The following TBC1D15 variants were observed in gnomAD, a reference collection of about 807,000 sequenced individuals.
TBC1D15 encodes GAP for RAB7.
Under a neutral mutation model 95.4 loss-of-function variants are expected in TBC1D15, and 39 were observed. The ratio of observed to expected loss-of-function variants is 0.41; its 90% CI spans 0.32 to 0.53. The LOEUF (loss-of-function observed/expected upper bound fraction) is 0.53, where lower values mean the gene tolerates loss of function less well. Ranked by LOEUF, TBC1D15 falls within the 20% of genes least tolerant of loss-of-function variation. The probability of loss-of-function intolerance (pLI) is 0.29; values close to 1 mark genes in which losing one functional copy is unlikely to be tolerated. For missense variants in TBC1D15, 733 were observed against 794.3 expected, an observed-to-expected ratio of 0.92 and a Z score of 0.93; for synonymous variants, 258 against 261.3, an observed-to-expected ratio of 0.99 and a Z score of 0.12.
intron 5 of TBC1D15, among the ~76,000 whole-genome samples, chr12:71,887,050 G>A (rs1487706285): frequency 1.3e-5 from 2 of 152,106 alleles, no homozygotes; most frequent in Non-Finnish European, 2.9e-5. Context: ...AAATGTGCTA[G>A]ACTACCTATT....
At chr12:71,899,253 A>G (rs758970536) in intron 10 of TBC1D15, among the ~76,000 whole-genome samples, 1 of 152,118 alleles carries the variant, frequency 6.6e-6, no homozygotes, top group East Asian at 1.9e-4. Context: ...GAAAATTTAG[A>G]TATTTAAAGT....
intron 1 of TBC1D15, among the ~76,000 whole-genome samples, chr12:71,842,499 A>G (rs748411205): frequency 6.6e-6 from 1 of 152,110 alleles, no homozygotes; most frequent in Non-Finnish European, 1.5e-5. Context: ...TCTGGCACAT[A>G]ATAGGTATTC....
intron 3 of TBC1D15, among the ~76,000 whole-genome samples, chr12:71,875,302 G>A (rs984354088): frequency 6.6e-6 from 1 of 152,044 alleles, no homozygotes; most frequent in Non-Finnish European, 1.5e-5. Context: ...TGTAATTTGC[G>A]GACATTTTTT....
intron 15 of TBC1D15, 83 bp downstream of exon 15, chr12:71,920,930 T>C: frequency 1.1e-6 from 1 of 936,218 alleles, no homozygotes. Context: ...CCTTGGAACA[T>C]TATTAAATCT....
chr12:71,906,829 A>AT (rs1394926456), intron 10 of TBC1D15, among the ~76,000 whole-genome samples, 193 bp from the exon 11 acceptor site: 19 of 152,182 alleles, frequency 1.2e-4, no homozygotes, highest in Middle Eastern at 3.2e-3. Flanking sequence ...AGGAGGACTG[A>AT]TTCTTGAAAA....
At chr12:71,854,404 C>T (rs1415604037) in intron 1 of TBC1D15, among the ~76,000 whole-genome samples, 3 of 152,078 alleles carry the variant, frequency 2.0e-5, no homozygotes, top group Non-Finnish European at 4.4e-5. Context: ...CTCTTCTGTA[C>T]ATCTTTTTTC....
At chr12:71,840,102 A>G (rs993201928) in intron 1 of TBC1D15, among the ~76,000 whole-genome samples, 8 of 152,116 alleles carry the variant, frequency 5.3e-5, no homozygotes, top group African/African-American at 1.7e-4. Context: ...GTGGCTCTCT[A>G]GTTCCTTTTT....
chr12:71,897,361 A>G lies in TBC1D15; in HGVS notation c.1089-486A>G, dbSNP rs58496786. On this transcript the variant is annotated intron_variant, in intron 9 of 16. Transcript: ENST00000485960. ...TTTTCAGTCATTATGTGCATATTTA[A>G]GTTATCTGACAGTCTTCTCTTTTCA... 1.2e-3 allele frequency: 183 copies of G among 156,806 alleles called. No homozygotes were observed. The East Asian group carries it at 0.028, about 24-fold the overall frequency. 9.7% of individuals were successfully genotyped at this position (156,806 alleles called of 1,614,324 possible). A position where few individuals can be genotyped will look rare whatever the true frequency, so the allele number is the denominator to read the frequency against.
In TBC1D15 at chr12:71,888,327, T is replaced by C. The variant is rs569599406; in HGVS notation, c.554+3306T>C. On this transcript the variant is annotated intron_variant, in intron 5 of 16. Coordinates refer to ENST00000485960, the MANE Select transcript of TBC1D15 (RefSeq NM_001146213.3). ...GGTGAAACCCCGTCTCTACTACAGA[T>C]ACAAGAAAGCCAGCTGTAATCCCAG... Among the ~76,000 whole-genome samples the C allele has an allele frequency of 3.9e-5, 6 of 151,906 alleles. No homozygotes were observed. The South Asian group carries it at 1.2e-3, about 32-fold the overall frequency.
chr12:71,917,226 A>G (rs1903928298), intron 12 of TBC1D15, among the ~76,000 whole-genome samples: 2 of 152,176 alleles, frequency 1.3e-5, no homozygotes, highest in South Asian at 4.1e-4. Context: ...ATGTTTTAGT[A>G]TTGTCCTGAA....
intron 5 of TBC1D15, among the ~76,000 whole-genome samples, chr12:71,888,604 G>C (rs1029789946): frequency 1.3e-5 from 2 of 152,126 alleles, no homozygotes; most frequent in Non-Finnish European, 1.5e-5. Context: ...ACACCTACAG[G>C]CTTTCCTAAT....
chr12:71,860,001 C>T (rs997812640), intron 1 of TBC1D15, among the ~76,000 whole-genome samples: 7 of 152,158 alleles, frequency 4.6e-5, no homozygotes, highest in African/African-American at 1.4e-4. Context: ...GTTTTCCCAG[C>T]GCCATTTGTA....
Position 71,872,177 on chromosome 12 carries a change from C to A in TBC1D15, c.129+9C>A, listed in dbSNP as rs752827814. The A allele has an allele frequency of 1.0e-5, 15 of 1,476,578 alleles. No individual in the cohort carries two copies. The highest frequency in any genetic ancestry group is 1.4e-5 in the African/African-American group (1 of 69,632). 91.5% of individuals were successfully genotyped at this position (1,476,578 alleles called of 1,614,324 possible). A position where few individuals can be genotyped will look rare whatever the true frequency, so the allele number is the denominator to read the frequency against. On this transcript the variant is annotated intron_variant, in intron 2 of 16. Transcript: ENST00000485960. ...TACGTGTTTTAGAAAAGGTAAGTTT[C>A]TAGTAAATGATTTTATTTAATAATA...
intron 1 of TBC1D15, chr12:71,861,622 A>G (rs748119878): frequency 5.9e-5 from 45 of 763,590 alleles, no homozygotes; most frequent in Non-Finnish European, 7.1e-5. Flanking sequence ...TGGTTTGTCA[A>G]TTTTGGCTGC....
intron 1 of TBC1D15, among the ~76,000 whole-genome samples, chr12:71,869,821 T>C (rs1373347150): frequency 6.6e-6 from 1 of 152,200 alleles, no homozygotes. Context: ...CTAGAAAATT[T>C]AGTTTATACT....
At chr12:71,849,607 C>T (rs1348709789) in intron 1 of TBC1D15, 15 of 612,548 alleles carry the variant, frequency 2.4e-5, no homozygotes, top group South Asian at 2.3e-4. Flanking sequence ...TCAGTCAGTA[C>T]CGTAAGCTCC....
At chr12:71,879,539 T>C (rs896599414) in intron 3 of TBC1D15, among the ~76,000 whole-genome samples, 2 of 152,216 alleles carry the variant, frequency 1.3e-5, no homozygotes, top group African/African-American at 4.8e-5. Context: ...TGTCCTCCTG[T>C]GTCAGTAGTA....
At chr12:71,919,225 A>G (rs1313713261) in intron 14 of TBC1D15, among the ~76,000 whole-genome samples, 2 of 141,382 alleles carry the variant, frequency 1.4e-5, no homozygotes, top group Non-Finnish European at 3.0e-5. Context: ...TTTTTTAAAG[A>G]GAAGGGGTCT....
At chr12:71,847,479 G>A (rs1254860518) in intron 1 of TBC1D15, among the ~76,000 whole-genome samples, 1 of 150,644 alleles carries the variant, frequency 6.6e-6, no homozygotes, top group South Asian at 2.1e-4. Context: ...GGTGGATCAC[G>A]AGGTAAGGAG....
Sources: gnomAD v4.1 joint callset for allele counts (sites outside exome capture counted in the v4.1 genomes callset) on GRCh38, gnomAD v4.1.1 for gene constraint, MANE v1.5 for transcripts, NCBI Gene and HGNC (gene_info 2026-07-23, HGNC 2026-07-21) for gene names.